CFAP44: variants seen among roughly 807,000 people sequenced by gnomAD.
The protein encoded by CFAP44 is cilia and flagella associated protein 44.
In CFAP44, 134 loss-of-function variants were observed where a neutral mutation model predicts 216.2. That is an observed-to-expected ratio of 0.62 (90% CI 0.54 to 0.72). The LOEUF (loss-of-function observed/expected upper bound fraction) is 0.72. Ranked by LOEUF, CFAP44 falls within the 30% of genes least tolerant of loss-of-function variation. The pLI is 0.00. For synonymous variants in CFAP44, 700 were observed against 727.6 expected (o/e 0.96, Z 0.61); for missense variants, 2,035 against 2,182.1 (o/e 0.93, Z 1.34).
At chr3:113,434,798 C>A (rs922517198) in intron 1 of CFAP44, 5 of 152,166 alleles carry the variant, frequency 3.3e-5, no homozygotes, top group Non-Finnish European at 7.3e-5. Flanking sequence ...GAAGAAAAAA[C>A]TTTTTACAAG....
At chr3:113,388,984 CAAGGAAACATTGG>C (rs1308775231) in intron 15 of CFAP44, among the ~76,000 whole-genome samples, 2 of 152,158 alleles carry the variant, frequency 1.3e-5, no homozygotes, top group Admixed American at 6.5e-5. Context: ...AGAAAATGAA[CAAGGAAACATTGG>C]ACTTAATCTG....
intron 18 of CFAP44, 61 bp from the exon 19 acceptor site, chr3:113,366,370 A>C (rs1932937430): frequency 1.9e-6 from 3 of 1,540,528 alleles, no homozygotes; most frequent in Admixed American, 3.8e-5. Context: ...CTTAATTTCA[A>C]CTTAATTGAC....
At chr3:113,404,217 C>T (rs1934215032) in intron 8 of CFAP44, among the ~76,000 whole-genome samples, 1 of 152,108 alleles carries the variant, frequency 6.6e-6, no homozygotes, top group Admixed American at 6.5e-5. Context: ...TATTTCCTTC[C>T]AGCAATATGA....
intron 5 of CFAP44, among the ~76,000 whole-genome samples, chr3:113,419,537 A>C (rs1360567763): frequency 1.3e-5 from 2 of 152,220 alleles, no homozygotes; most frequent in Non-Finnish European, 2.9e-5. Flanking sequence ...TCAAGAAAGA[A>C]ACAAACATGA....
chr3:113,420,620 C>T (rs1248879734), intron 4 of CFAP44, among the ~76,000 whole-genome samples: 1 of 152,170 alleles, frequency 6.6e-6, no homozygotes, highest in Non-Finnish European at 1.5e-5. Context: ...AAGTCTGTAT[C>T]TTCATCACCT....
At chr3:113,317,725 G>A (rs142538233) in intron 28 of CFAP44, among the ~76,000 whole-genome samples, 30 of 152,372 alleles carry the variant, frequency 2.0e-4, no homozygotes, top group East Asian at 1.9e-3. Context: ...AGAGTATTGA[G>A]AGGGGTGAGA....
intron 33 of CFAP44, among the ~76,000 whole-genome samples, chr3:113,295,985 T>C (rs1291019946): frequency 6.6e-6 from 1 of 152,196 alleles, no homozygotes; most frequent in Non-Finnish European, 1.5e-5. Context: ...GGTTTGGGTT[T>C]CTAGCAGACC....
At chr3:113,375,911 CTG>C (rs1933329338) in intron 17 of CFAP44, among the ~76,000 whole-genome samples, 2 of 150,784 alleles carry the variant, frequency 1.3e-5, no homozygotes, top group African/African-American at 2.4e-5. Flanking sequence ...AGGAAGAAAA[CTG>C]TGGAAAAAAT....
At chr3:113,416,334 T>A (rs1934646057) in intron 6 of CFAP44, among the ~76,000 whole-genome samples, 191 bp downstream of exon 6, 2 of 152,180 alleles carry the variant, frequency 1.3e-5, no homozygotes, top group African/African-American at 4.8e-5. Context: ...AGTCTGTGTC[T>A]TTTAATTGGG....
At chr3:113,416,733 T>C in intron 5 of CFAP44, 106 bp from the exon 6 acceptor site, 1 of 791,702 alleles carries the variant, frequency 1.3e-6, no homozygotes, top group Non-Finnish European at 1.9e-6. Context: ...TATTAGGCTT[T>C]ACTCTAATAG....
intron 34 of CFAP44, among the ~76,000 whole-genome samples, chr3:113,292,519 A>AC (rs1949840355): frequency 6.6e-6 from 1 of 152,226 alleles, no homozygotes; most frequent in South Asian, 2.1e-4. Flanking sequence ...GAAAGACATA[A>AC]TACTTGCGTG....
At chr3:113,303,005 C>T (rs988879817) in intron 32 of CFAP44, among the ~76,000 whole-genome samples, 1 of 152,052 alleles carries the variant, frequency 6.6e-6, no homozygotes, top group Non-Finnish European at 1.5e-5. Context: ...CACCAGCAAT[C>T]AAAAAATGTG....
chr3:113,423,601 A>G (rs1934880083), intron 4 of CFAP44, among the ~76,000 whole-genome samples: 1 of 152,112 alleles, frequency 6.6e-6, no homozygotes, highest in South Asian at 2.1e-4. Flanking sequence ...AAAGCTTTCA[A>G]TGTTTTTTCA....
chr3:113,324,575 A>G (rs944950932), intron 28 of CFAP44, among the ~76,000 whole-genome samples: 8 of 152,188 alleles, frequency 5.3e-5, no homozygotes, highest in Non-Finnish European at 7.3e-5. Context: ...CACGAAAAAA[A>G]TTCATGAAAA....
intron 18 of CFAP44, among the ~76,000 whole-genome samples, chr3:113,370,980 A>T (rs1057152228): frequency 6.6e-6 from 1 of 152,202 alleles, no homozygotes; most frequent in Non-Finnish European, 1.5e-5. Context: ...CCCATTCACA[A>T]TTGGTACTAA....
chr3:113,392,031 C>G (rs1159425048), intron 15 of CFAP44, among the ~76,000 whole-genome samples: 1 of 152,032 alleles, frequency 6.6e-6, no homozygotes, highest in East Asian at 1.9e-4. Context: ...TCCAGCAATC[C>G]CACTGCTAGG....
chr3:113,353,497 C>CAA (rs1553755785), intron 22 of CFAP44, among the ~76,000 whole-genome samples: 2 of 138,238 alleles, frequency 1.4e-5, no homozygotes, highest in Non-Finnish European at 3.1e-5. Context: ...CACACACACA[C>CAA]AAAACTTATA....
Position 113,406,943 on chromosome 3 carries a change from T to C in CFAP44, c.989A>G (p.Glu330Gly). 6.2e-7 allele frequency: 1 copy of C among 1,613,696 alleles called. No individual in the cohort carries two copies. Residue 330 changes from glutamate to glycine, a missense_variant, in exon 8 of 35, where the codon GAG (glutamate) becomes GGG (glycine). Physicochemically the swap from Glu to Gly is moderately conservative, Grantham distance 98 (BLOSUM62 -2). Around this residue, in one of 3 missense-constraint regions of CFAP44, gnomAD observed 1,883 missense variants for 2,023.7 expected, o/e 0.93. Coordinates refer to ENST00000393845, the MANE Select transcript of CFAP44 (RefSeq NM_001164496.2). ...TITTDIEGYM[E>G]LPDGKVLSGS... ...TGTACTCACCTTCCCATCTGGGAGC[T>C]CCATGTAGCCTTCTATATCAGTAGT...
chr3:113,361,799 A>G (rs1472506195), intron 21 of CFAP44, among the ~76,000 whole-genome samples: 1 of 151,906 alleles, frequency 6.6e-6, no homozygotes, highest in East Asian at 1.9e-4. Context: ...CGCCCAGCCT[A>G]AAGACCTGTA....
Sources: allele counts gnomAD v4.1 joint callset (sites outside exome capture counted in the v4.1 genomes callset), GRCh38; gene constraint gnomAD v4.1.1; regional missense constraint gnomAD v4.1.1; transcripts MANE v1.5; gene names NCBI Gene and HGNC (gene_info 2026-07-23, HGNC 2026-07-21).